CENPP: variants seen among roughly 807,000 people sequenced by gnomAD.
CENPP encodes centromere protein P.
Under a neutral mutation model 35.6 loss-of-function variants are expected in CENPP, and 24 were observed. That is an observed-to-expected ratio of 0.67 (90% CI 0.49 to 0.95). The LOEUF (loss-of-function observed/expected upper bound fraction) is 0.95, where lower values mean the gene tolerates loss of function less well. Ranked by LOEUF, CENPP falls within the 40% of genes least tolerant of loss-of-function variation. The pLI, the probability that CENPP is intolerant of heterozygous loss-of-function variation, is 0.00. For missense variants in CENPP, 332 were observed against 345.3 expected, an observed-to-expected ratio of 0.96 and a Z score of 0.31; for synonymous variants, 120 against 125.5, an observed-to-expected ratio of 0.96 and a Z score of 0.29.
intron 5 of CENPP, among the ~76,000 whole-genome samples, chr9:92,438,243 G>A (rs966396821): frequency 1.3e-5 from 2 of 152,136 alleles, no homozygotes; most frequent in African/African-American, 4.8e-5. Flanking sequence ...TTAGGTCTAT[G>A]ATCTGTTTTG....
intron 5 of CENPP, among the ~76,000 whole-genome samples, chr9:92,567,734 CAG>C (rs1268550154): frequency 1.3e-5 from 2 of 151,938 alleles, no homozygotes; most frequent in African/African-American, 4.8e-5. Flanking sequence ...GTTAAAGTAA[CAG>C]AGATTAGGTG....
rs763497673 is a variant in CENPP, at chr9:92,522,803, T to G, written c.565-88511T>G. On this transcript the variant is annotated intron_variant, in intron 5 of 7. Coordinates refer to ENST00000375587, the MANE Select transcript of CENPP (RefSeq NM_001012267.3). The stretch of plus-strand genomic sequence containing the variant: ...CTTTGCTTCCTAGGAATTTCTTCAT[T>G]TTTTCCAAAGTCAGTTTGAAAAATG... 15 of 1,612,952 alleles carry G rather than the reference T, an allele frequency of 9.3e-6. No homozygotes were observed. In the African/African-American group the frequency reaches 2.0e-4, roughly 22 times the overall value.
intron 5 of CENPP, among the ~76,000 whole-genome samples, chr9:92,391,850 T>G (rs2130899428): frequency 6.6e-6 from 1 of 152,290 alleles, no homozygotes; most frequent in East Asian, 1.9e-4. Flanking sequence ...GTATTAATTT[T>G]GGGGTTATAA....
chr9:92,365,480 G>A (rs991080034), intron 4 of CENPP, among the ~76,000 whole-genome samples: 2 of 140,478 alleles, frequency 1.4e-5, no homozygotes, highest in African/African-American at 2.7e-5. Flanking sequence ...GCATGATCTT[G>A]GCTCACTACA....
intron 4 of CENPP, among the ~76,000 whole-genome samples, chr9:92,356,340 G>A (rs891996757): frequency 1.3e-5 from 2 of 152,112 alleles, no homozygotes; most frequent in Non-Finnish European, 2.9e-5. Flanking sequence ...CTGTTTATAG[G>A]CTCTCTGCAA....
intron 5 of CENPP, among the ~76,000 whole-genome samples, chr9:92,519,883 A>G (rs1382183348): frequency 1.3e-5 from 2 of 151,510 alleles, no homozygotes; most frequent in East Asian, 1.9e-4. Context: ...GGTGTACACA[A>G]TGGGAGAGAA....
At chr9:92,441,821 T>C (rs907895325) in intron 5 of CENPP, among the ~76,000 whole-genome samples, 10 of 152,140 alleles carry the variant, frequency 6.6e-5, no homozygotes, top group African/African-American at 2.2e-4. Context: ...GTGTGGGCCT[T>C]ATGTGGATAC....
In CENPP at chr9:92,593,183, G is replaced by A. The variant is rs952451227; in HGVS notation, c.565-18131G>A. ...GGAGCCACACTGTGTGTAAGATGCTGAGAGTGCTGTGATGAGGTGAGCCAG... is the reference window on the plus strand; with the variant it reads ...GGAGCCACACTGTGTGTAAGATGCTAAGAGTGCTGTGATGAGGTGAGCCAG... On this transcript the variant is annotated intron_variant, in intron 5 of 7. Coordinates refer to ENST00000375587, the MANE Select transcript of CENPP (RefSeq NM_001012267.3). The surrounding 1 kb of genome is among the most constrained non-coding windows in gnomAD (Gnocchi z 4.1). 3.9e-5 allele frequency among the ~76,000 whole-genome samples: 6 copies of A among 152,250 alleles called. No homozygotes were observed. The highest frequency in any genetic ancestry group is 1.2e-4 in the African/African-American group (5 of 41,466).
intron 5 of CENPP, chr9:92,502,568 G>C: frequency 6.2e-7 from 1 of 1,612,252 alleles, no homozygotes; most frequent in Non-Finnish European, 8.5e-7. Flanking sequence ...TTGTTATAAC[G>C]TAGTACAATG....
intron 5 of CENPP, among the ~76,000 whole-genome samples, chr9:92,497,134 A>C (rs899004555): frequency 3.3e-5 from 5 of 152,190 alleles, no homozygotes; most frequent in Non-Finnish European, 5.9e-5. Flanking sequence ...CCAAAGTTAA[A>C]CTGGAAAAAA....
chr9:92,385,792 T>A, intron 5 of CENPP: 1 of 1,612,284 alleles, frequency 6.2e-7, no homozygotes, highest in Non-Finnish European at 8.5e-7. Flanking sequence ...GTTGTTGAAC[T>A]GAAAAAAAAC....
At chr9:92,468,987 A>G (rs1845413699) in intron 5 of CENPP, among the ~76,000 whole-genome samples, 1 of 152,256 alleles carries the variant, frequency 6.6e-6, no homozygotes, top group Non-Finnish European at 1.5e-5. Context: ...TAGCCCCAGT[A>G]TTAAATATGC....
At chr9:92,572,689 A>C (rs1850174083) in intron 5 of CENPP, among the ~76,000 whole-genome samples, 1 of 152,192 alleles carries the variant, frequency 6.6e-6, no homozygotes, top group African/African-American at 2.4e-5. Context: ...AGTGTTTTCC[A>C]ACTTGGTTCC....
At chr9:92,546,710 C>T (rs1849465173) in intron 5 of CENPP, among the ~76,000 whole-genome samples, 1 of 152,054 alleles carries the variant, frequency 6.6e-6, no homozygotes, top group Non-Finnish European at 1.5e-5. Flanking sequence ...GTCAGTGAGA[C>T]CAAGAACCCA....
intron 6 of CENPP, among the ~76,000 whole-genome samples, chr9:92,611,819 G>A (rs964925938): frequency 3.9e-5 from 6 of 152,216 alleles, no homozygotes; most frequent in African/African-American, 1.2e-4. Context: ...ACCCTGGCCC[G>A]TGCCGTGTTC....
intron 5 of CENPP, among the ~76,000 whole-genome samples, chr9:92,572,836 C>A (rs1343865171): frequency 1.3e-5 from 2 of 152,058 alleles, no homozygotes; most frequent in South Asian, 2.1e-4. Context: ...TCATTTCATT[C>A]ATTTGATCTT....
chr9:92,401,268 C>G (rs566345151), intron 5 of CENPP: 1 of 655,022 alleles, frequency 1.5e-6, no homozygotes, highest in Non-Finnish European at 2.7e-6. Context: ...GACACCTTCT[C>G]GTAGTTACAA....
intron 5 of CENPP, among the ~76,000 whole-genome samples, chr9:92,406,376 A>G (rs1843309348): frequency 6.6e-6 from 1 of 152,140 alleles, no homozygotes; most frequent in South Asian, 2.1e-4. Flanking sequence ...TCAGTGAGAG[A>G]CCATGTAGAG....
chr9:92,386,543 G>T (rs1460920002), intron 5 of CENPP, among the ~76,000 whole-genome samples: 1 of 151,926 alleles, frequency 6.6e-6, no homozygotes, highest in Non-Finnish European at 1.5e-5. Flanking sequence ...CCACACTTCT[G>T]TCCATTCATC....
Sources: gnomAD v4.1 joint callset for allele counts (sites outside exome capture counted in the v4.1 genomes callset) on GRCh38, gnomAD v4.1.1 for gene constraint, Gnocchi (gnomAD v3.1) non-coding constraint, MANE v1.5 for transcripts, NCBI Gene and HGNC (gene_info 2026-07-23, HGNC 2026-07-21) for gene names.